Variants in COL27A1 observed in about 807,000 individuals in gnomAD.
COL27A1 encodes collagen type XXVII alpha 1 chain, also known as collagen alpha-1(XXVII) chain.
In COL27A1, 106 loss-of-function variants were observed where a neutral mutation model predicts 251.3. That is an observed-to-expected ratio of 0.42 (90% confidence interval 0.36 to 0.50). COL27A1 has a LOEUF of 0.50. Ranked by LOEUF, COL27A1 falls within the 20% of genes least tolerant of loss-of-function variation. The pLI, the probability that COL27A1 is intolerant of heterozygous loss-of-function variation, is 0.00. For missense variants in COL27A1, 2,325 were observed against 2,522.8 expected, an observed-to-expected ratio of 0.92 and a Z score of 1.68; for synonymous variants, 1,000 against 986.3, an observed-to-expected ratio of 1.01 and a Z score of -0.26.
At chr9:114,275,861 G>A (rs955162694) in intron 37 of COL27A1, 93 bp downstream of exon 37, 43 of 772,004 alleles carry the variant, frequency 5.6e-5, no homozygotes, top group South Asian at 5.5e-5. Context: ...GCTTTTGGTC[G>A]TGCCACTGAA....
rs541742609 is a variant in COL27A1 at position 114,283,149 on chromosome 9, T to C, written c.3880-560T>C. Among the ~76,000 whole-genome samples the C allele has an allele frequency of 1.2e-3, 182 of 152,330 alleles. 2 individuals are homozygous for C. The highest frequency in any genetic ancestry group is 4.1e-3 in the African/African-American group (169 of 41,594). On this transcript the variant is annotated intron_variant, in intron 39 of 60. Coordinates refer to ENST00000356083, the MANE Select transcript of COL27A1 (RefSeq NM_032888.4). ...GTTAAGCAACCAGGCTGGTTTGTGG[T>C]ATTTGCCAGTTTCTGCGGTGTAAAT...
intron 3 of COL27A1, among the ~76,000 whole-genome samples, chr9:114,169,735 C>T (rs1477932338): frequency 1.3e-5 from 2 of 152,160 alleles, no homozygotes; most frequent in East Asian, 1.9e-4. Flanking sequence ...TTTGGTTGGC[C>T]CAGGTCCAAG....
In COL27A1 at chr9:114,290,375, C is replaced by T. The variant is rs998290814; in HGVS notation, c.4368+44C>T. On this transcript the variant is annotated intron_variant, in intron 47 of 60. Transcript: ENST00000356083. This position sits in a 1 kb window ranked among gnomAD's most constrained non-coding sequence, Gnocchi z 4.6. The stretch of plus-strand genomic sequence containing the variant: ...TAACAGATGGTGGCTCCATTTGGGA[C>T]CAGGTGTAGGGGAACTTCCCCAGGC... 1 of 1,496,876 alleles carries T rather than the reference C, an allele frequency of 6.7e-7. No homozygotes were observed. Among genetic ancestry groups the T allele is most frequent in the Non-Finnish European group, 9.1e-7 (1 of 1,096,938 alleles). The allele number at this position is 1,496,876 out of a possible 1,614,324, so 92.7% of individuals were successfully genotyped here. A position where few individuals can be genotyped will look rare whatever the true frequency, so the allele number is the denominator to read the frequency against.
In COL27A1 at chr9:114,309,438, G is replaced by C. The variant is rs1829296383; in HGVS notation, c.5396G>C (p.Gly1799Ala). 14 of 1,613,978 alleles carry C rather than the reference G, an allele frequency of 8.7e-6. No homozygotes were observed. The highest frequency in any genetic ancestry group is 1.1e-5 in the Non-Finnish European group (13 of 1,179,990). ...TGGAATGGACAGATTTTTGAAGCTG[G>C]GGGTCAGTTCCGGCCCGAGGTGTCC... Reference protein sequence around the residue: ...RAWNGQIFEAGGQFRPEVSMD... With the variant: ...RAWNGQIFEAAGQFRPEVSMD... Residue 1799 changes from glycine to alanine, a missense_variant, in exon 60 of 61, where the codon GGG becomes GCG. Physicochemically the swap from Gly to Ala is moderately conservative, Grantham distance 60 (BLOSUM62 0). Transcript: ENST00000356083.
intron 27 of COL27A1, 25 bp from the exon 28 acceptor site, chr9:114,258,516 T>G: frequency 6.2e-7 from 1 of 1,609,260 alleles, no homozygotes; most frequent in Non-Finnish European, 8.5e-7. Context: ...AAGGGGCCTC[T>G]CCAAACTCTT....
intron 39 of COL27A1, among the ~76,000 whole-genome samples, 158 bp from the exon 40 acceptor site, chr9:114,283,551 A>C (rs1365026902): frequency 1.3e-5 from 2 of 152,174 alleles, no homozygotes; most frequent in Non-Finnish European, 2.9e-5. Context: ...AGGAGGGATA[A>C]TGTTACTGGC....
intron 28 of COL27A1, among the ~76,000 whole-genome samples, chr9:114,262,560 T>C (rs1039052660): frequency 6.6e-6 from 1 of 152,234 alleles, no homozygotes; most frequent in Admixed American, 6.5e-5. Flanking sequence ...TTAAGCACTT[T>C]CTGCGTGCCA....
At chr9:114,294,398 C>T (rs1265751757) in intron 49 of COL27A1, among the ~76,000 whole-genome samples, 1 of 151,714 alleles carries the variant, frequency 6.6e-6, no homozygotes, top group Non-Finnish European at 1.5e-5. Context: ...GAAAAGGAAA[C>T]AATACACCAA....
In COL27A1 at chr9:114,288,888, CT is replaced by C; in HGVS notation, c.4099-25del. The C allele has an allele frequency of 1.9e-6, 3 of 1,613,622 alleles. 1 individual carries two copies. Among genetic ancestry groups the C allele is most frequent in the South Asian group, 2.2e-5 (2 of 91,072 alleles). ...CCAGCCCTCTGCAGGATGGGCCCCC[CT>C]CACCTGTCTCTCTTTGGCTTCCAGG... On this transcript the variant is annotated intron_variant, in intron 43 of 60. Coordinates refer to ENST00000356083, the MANE Select transcript of COL27A1 (RefSeq NM_032888.4).
In COL27A1 at chr9:114,167,967, C is replaced by T; in HGVS notation, c.412C>T (p.His138Tyr). Residue 138 changes from histidine (H) to tyrosine (Y), a missense_variant, in exon 3 of 61, where the codon CAC (histidine) becomes TAC (tyrosine). His to Tyr is a moderately conservative substitution (Grantham distance 83). Coordinates refer to ENST00000356083, the MANE Select transcript of COL27A1 (RefSeq NM_032888.4). ...GTTCCTCCCCGGCAAGACGGTCGTC[C>T]ACCTCGGGTCCCGGCGCTCAGTGGC... The part of the protein sequence containing the change: ...LQFLPGKTVV[H>Y]LGSRRSVAFD... The T allele has an allele frequency of 2.5e-6, 4 of 1,606,848 alleles. No homozygotes were observed. The highest frequency in any genetic ancestry group is 3.4e-6 in the Non-Finnish European group (4 of 1,179,856).
intron 49 of COL27A1, among the ~76,000 whole-genome samples, chr9:114,297,360 A>C (rs1828325229): frequency 6.6e-6 from 1 of 152,210 alleles, no homozygotes; most frequent in African/African-American, 2.4e-5. Context: ...CCCCAACCAG[A>C]AAAAGATGTC....
chr9:114,255,860 C>T lies in COL27A1; in HGVS notation c.3142-2681C>T, dbSNP rs1235288806. ...ACATGGGGGTGAAATTCTGGCTCCC[C>T]GACTTGCCGGCTGCGGGATTGTTGG... On this transcript the variant is annotated intron_variant, in intron 27 of 60. Coordinates refer to ENST00000356083, the MANE Select transcript of COL27A1 (RefSeq NM_032888.4). Among the ~76,000 whole-genome samples, 4 of 152,122 alleles carry T rather than the reference C, an allele frequency of 2.6e-5. No homozygotes were observed. In the East Asian group the frequency reaches 5.8e-4, roughly 22 times the overall value.
intron 6 of COL27A1, among the ~76,000 whole-genome samples, chr9:114,195,279 A>G (rs995765093): frequency 5.3e-5 from 8 of 152,096 alleles, no homozygotes; most frequent in African/African-American, 1.9e-4. Context: ...ATTTCTTCAC[A>G]TCCTCACTGC....
chr9:114,306,838 G>C, intron 58 of COL27A1, 150 bp downstream of exon 58: 2 of 830,476 alleles, frequency 2.4e-6, no homozygotes, highest in Non-Finnish European at 3.7e-6. Flanking sequence ...CAGTCACAGA[G>C]CCTCACAATA....
intron 19 of COL27A1, among the ~76,000 whole-genome samples, chr9:114,237,970 G>A (rs904670977): frequency 1.3e-5 from 2 of 152,158 alleles, no homozygotes; most frequent in Non-Finnish European, 2.9e-5. Context: ...TGTGGCCACC[G>A]CAGCTTTGTG....
At chr9:114,175,589 G>A (rs1827375951) in intron 3 of COL27A1, among the ~76,000 whole-genome samples, 1 of 152,146 alleles carries the variant, frequency 6.6e-6, no homozygotes, top group Non-Finnish European at 1.5e-5. Flanking sequence ...GAGTCCGCCT[G>A]TGGGCTGACA....
At chr9:114,204,839 C>G (rs1013983358) in intron 7 of COL27A1, among the ~76,000 whole-genome samples, 27 of 152,212 alleles carry the variant, frequency 1.8e-4, no homozygotes, top group African/African-American at 6.3e-4. Context: ...CCCAGTTCAG[C>G]TCACCTACTC....
At position 114,290,354 on chromosome 9, in the gene COL27A1, A is replaced by C. The variant is rs1827830436; in HGVS notation, c.4368+23A>C. 6.5e-7 allele frequency: 1 copy of C among 1,543,608 alleles called. No individual in the cohort carries two copies. The highest frequency in any genetic ancestry group is 1.9e-5 in the Admixed American group (1 of 51,602). ...CAGGTGAGCGGGAATTGGCATTAAC[A>C]GATGGTGGCTCCATTTGGGACCAGG... On this transcript the variant is annotated intron_variant, in intron 47 of 60. Transcript: ENST00000356083. This position sits in a 1 kb window ranked among gnomAD's most constrained non-coding sequence, Gnocchi z 4.6.
chr9:114,226,478 C>T (rs1039363763), intron 14 of COL27A1, among the ~76,000 whole-genome samples: 1 of 152,194 alleles, frequency 6.6e-6, no homozygotes, highest in African/African-American at 2.4e-5. Flanking sequence ...CTGGACCTGG[C>T]CTGTCACAGC....
Sources: gnomAD v4.1 joint callset for allele counts (sites outside exome capture counted in the v4.1 genomes callset) on GRCh38, gnomAD v4.1.1 for gene constraint, Gnocchi (gnomAD v3.1) non-coding constraint, MANE v1.5 for transcripts, NCBI Gene and HGNC (gene_info 2026-07-23, HGNC 2026-07-21) for gene names.